Variants in NDUFS4 observed in about 807,000 individuals in gnomAD.
NDUFS4 encodes the protein NADH dehydrogenase [ubiquinone] iron-sulfur protein 4, mitochondrial.
NDUFS4 carries 28 observed loss-of-function variants against 24.3 expected under a neutral mutation model. The ratio of observed to expected loss-of-function variants is 1.15; its 90% CI spans 0.85 to 1.58. The LOEUF (loss-of-function observed/expected upper bound fraction) is 1.58. Ranked by LOEUF, NDUFS4 falls within the 40% of genes most tolerant of loss-of-function variation. The pLI is 0.00. For missense variants in NDUFS4, 223 were observed against 207.9 expected, an observed-to-expected ratio of 1.07 and a Z score of -0.45; for synonymous variants, 93 against 69.7, an observed-to-expected ratio of 1.34 and a Z score of -1.67.
At chr5:53,648,889 G>A (rs430427) in intron 3 of NDUFS4, among the ~76,000 whole-genome samples, 119,227 of 152,034 alleles carry the variant, frequency 0.78, 46,888 homozygotes, top group African/African-American at 0.84. Flanking sequence ...GTGAGATGTT[G>A]GATCACATTT....
chr5:53,573,642 G>T (rs745845240), intron 1 of NDUFS4: 7 of 447,350 alleles, frequency 1.6e-5, no homozygotes, highest in South Asian at 1.1e-4. Flanking sequence ...AGGCTGGAGT[G>T]CAGTGGTGCA....
chr5:53,673,467 T>C (rs975908834), intron 4 of NDUFS4, among the ~76,000 whole-genome samples: 1 of 152,100 alleles, frequency 6.6e-6, no homozygotes, highest in Non-Finnish European at 1.5e-5. Context: ...CAGTTAGATA[T>C]AGAATCATAG....
chr5:53,567,877 G>A (rs144065642), intron 1 of NDUFS4, among the ~76,000 whole-genome samples: 5 of 152,152 alleles, frequency 3.3e-5, no homozygotes, highest in East Asian at 1.9e-4. Flanking sequence ...TAAGGTTAAC[G>A]AATAATTATA....
At chr5:53,585,884 TTC>T (rs201824536) in intron 1 of NDUFS4, among the ~76,000 whole-genome samples, 247 of 152,268 alleles carry the variant, frequency 1.6e-3, no homozygotes, top group African/African-American at 5.4e-3. Context: ...TGATAGTTTT[TTC>T]TTTTGTTTTG....
chr5:53,570,283 A>G (rs1012296379), intron 1 of NDUFS4, among the ~76,000 whole-genome samples: 5 of 152,124 alleles, frequency 3.3e-5, no homozygotes, highest in African/African-American at 1.2e-4. Context: ...GTCATATATA[A>G]CCTTTTGAGA....
At chr5:53,602,818 C>G (rs1278502498) in intron 1 of NDUFS4, among the ~76,000 whole-genome samples, 3 of 152,092 alleles carry the variant, frequency 2.0e-5, no homozygotes, top group African/African-American at 7.2e-5. Flanking sequence ...GTACATGAAA[C>G]GTCCGTTAAC....
intron 2 of NDUFS4, among the ~76,000 whole-genome samples, chr5:53,611,706 G>GC (rs1329516012): frequency 6.6e-6 from 1 of 152,016 alleles, no homozygotes; most frequent in Non-Finnish European, 1.5e-5. Flanking sequence ...TGCAGGAGGA[G>GC]CTGTGCCATG....
At chr5:53,564,493 C>G (rs190884783) in intron 1 of NDUFS4, among the ~76,000 whole-genome samples, 4 of 152,302 alleles carry the variant, frequency 2.6e-5, no homozygotes, top group Admixed American at 2.0e-4. Context: ...AATGCCCATA[C>G]TTAGTTTTCA....
chr5:53,631,557 T>G (rs1315965727), intron 2 of NDUFS4, among the ~76,000 whole-genome samples: 1 of 152,200 alleles, frequency 6.6e-6, no homozygotes, highest in African/African-American at 2.4e-5. Flanking sequence ...CTGGGGCTGC[T>G]TGCCTTTTGT....
At chr5:53,603,271 C>T (rs1750384649) in intron 1 of NDUFS4, among the ~76,000 whole-genome samples, 181 bp from the exon 2 acceptor site, 1 of 151,786 alleles carries the variant, frequency 6.6e-6, no homozygotes, top group East Asian at 1.9e-4. Flanking sequence ...CTGCCAAAAA[C>T]TCAGCAGACA....
chr5:53,626,659 G>T (rs1196784052), intron 2 of NDUFS4, among the ~76,000 whole-genome samples: 1 of 152,104 alleles, frequency 6.6e-6, no homozygotes, highest in African/African-American at 2.4e-5. Flanking sequence ...TCATAAGTTT[G>T]TTGGCTGCAT....
At chr5:53,665,899 A>G (rs1237716128) in intron 4 of NDUFS4, among the ~76,000 whole-genome samples, 1 of 152,074 alleles carries the variant, frequency 6.6e-6, no homozygotes, top group Non-Finnish European at 1.5e-5. Flanking sequence ...TGCAGAAATC[A>G]CCCGTCTTCT....
At chr5:53,665,624 C>T (rs1752489943) in intron 4 of NDUFS4, among the ~76,000 whole-genome samples, 1 of 152,218 alleles carries the variant, frequency 6.6e-6, no homozygotes, top group Non-Finnish European at 1.5e-5. Context: ...ACCCTCCGAG[C>T]CAGGTGCGGG....
chr5:53,613,260 C>T (rs1333178012), intron 2 of NDUFS4, among the ~76,000 whole-genome samples: 2 of 152,034 alleles, frequency 1.3e-5, no homozygotes, highest in Non-Finnish European at 2.9e-5. Flanking sequence ...TTTACTCACG[C>T]AGCATTCTTG....
intron 4 of NDUFS4, 107 bp downstream of exon 4, chr5:53,658,731 A>AGACT: frequency 1.3e-6 from 1 of 752,764 alleles, no homozygotes; most frequent in Non-Finnish European, 2.2e-6. Context: ...CAGTGGTTTC[A>AGACT]TTGTATCTAA....
intron 2 of NDUFS4, among the ~76,000 whole-genome samples, chr5:53,619,122 A>G (rs1750946184): frequency 6.7e-6 from 1 of 149,752 alleles, no homozygotes; most frequent in South Asian, 2.1e-4. Context: ...CAAAATAATA[A>G]TAATAATAAT....
chr5:53,569,121 C>T lies in NDUFS4; in HGVS notation c.98+8361C>T, dbSNP rs1429062537. Reference sequence around the variant, plus strand: ...GATGTTTTGGCTCTTTTGAGGACTACCACTCTTTGTATGGAAAGAGTACTT... The same window carrying T: ...GATGTTTTGGCTCTTTTGAGGACTATCACTCTTTGTATGGAAAGAGTACTT... On this transcript the variant is annotated intron_variant, in intron 1 of 4. Transcript: ENST00000296684. Among the ~76,000 whole-genome samples, 3 of 152,070 alleles carry T rather than the reference C, an allele frequency of 2.0e-5. No homozygotes were observed. The South Asian group carries it at 6.2e-4, about 32-fold the overall frequency.
At chr5:53,625,479 A>G (rs755825754) in intron 2 of NDUFS4, among the ~76,000 whole-genome samples, 1 of 152,176 alleles carries the variant, frequency 6.6e-6, no homozygotes, top group African/African-American at 2.4e-5. Context: ...TTCTGTAACT[A>G]TAACACTTAT....
intron 1 of NDUFS4, among the ~76,000 whole-genome samples, chr5:53,571,638 C>G (rs1407692826): frequency 1.3e-5 from 2 of 152,178 alleles, no homozygotes; most frequent in Non-Finnish European, 2.9e-5. Flanking sequence ...ATTTTACATT[C>G]CCACCAGCAG....
Sources: gnomAD v4.1 joint callset for allele counts (sites outside exome capture counted in the v4.1 genomes callset) on GRCh38, gnomAD v4.1.1 for gene constraint, MANE v1.5 for transcripts, NCBI Gene and HGNC (gene_info 2026-07-23, HGNC 2026-07-21) for gene names.